SPATA13: variants seen among roughly 807,000 people sequenced by gnomAD.
SPATA13 encodes spermatogenesis-associated protein 13.
In SPATA13, 50 loss-of-function variants were observed where a neutral mutation model predicts 104.0. The ratio of observed to expected loss-of-function variants is 0.48; its 90% CI spans 0.38 to 0.61. The LOEUF is 0.61. SPATA13 is among the 20% of genes least tolerant of loss of function. SPATA13 has a pLI of 0.00. For missense variants in SPATA13, 1,524 were observed against 1,690.6 expected (o/e 0.90, Z 1.73); for synonymous variants, 606 against 667.5 (o/e 0.91, Z 1.42).
In SPATA13 at chr13:24,235,325, A is replaced by T. The variant is rs1019890203; in HGVS notation, c.1653+10743A>T. Among the ~76,000 whole-genome samples the T allele has an allele frequency of 2.0e-5, 3 of 152,220 alleles. No individual in the cohort carries two copies. In the South Asian group the frequency reaches 6.2e-4, roughly 31 times the overall value. On this transcript the variant is annotated intron_variant, in intron 2 of 12. Coordinates refer to ENST00000382108, the MANE Select transcript of SPATA13 (RefSeq NM_001166271.3). Reference sequence around the variant, plus strand: ...ATGACTTTTGTCAATGCAAACTTTGAGATTCGCTGTCCAGGCTGAGGCTCC... The same window carrying T: ...ATGACTTTTGTCAATGCAAACTTTGTGATTCGCTGTCCAGGCTGAGGCTCC...
intron 1 of SPATA13, among the ~76,000 whole-genome samples, chr13:24,199,838 A>G (rs1870299065): frequency 6.6e-6 from 1 of 152,252 alleles, no homozygotes; most frequent in African/African-American, 2.4e-5. Context: ...ACTAAGCCAT[A>G]TGTAAGTAAT....
intron 2 of SPATA13, among the ~76,000 whole-genome samples, chr13:24,227,729 C>G (rs978959475): frequency 1.3e-5 from 2 of 152,030 alleles, no homozygotes; most frequent in Non-Finnish European, 2.9e-5. Flanking sequence ...TACTAACATG[C>G]CAGCTTAATT....
chr13:24,168,560 A>G (rs1362897059), intron 1 of SPATA13, among the ~76,000 whole-genome samples: 6 of 152,178 alleles, frequency 3.9e-5, no homozygotes, highest in Non-Finnish European at 8.8e-5. Flanking sequence ...AAACTTTTGT[A>G]TCGCAGCACA....
intron 3 of SPATA13, among the ~76,000 whole-genome samples, chr13:24,067,360 A>G (rs1391545573): frequency 6.6e-6 from 1 of 152,176 alleles, no homozygotes; most frequent in African/African-American, 2.4e-5. Flanking sequence ...TTGTAAGTCA[A>G]GGATCATAAT....
chr13:24,070,279 A>G lies in SPATA13; in HGVS notation c.-112+52578A>G, dbSNP rs541021131. ...CTTGGGCAACAGAAATGTCCGAGGA[A>G]ATTAGCCCTGATGCGTGGCTGACCA... On this transcript the variant is annotated intron_variant, in intron 3 of 14. Transcript: ENST00000424834. Among the ~76,000 whole-genome samples, 228 of 152,284 alleles carry G rather than the reference A, an allele frequency of 1.5e-3. 2 individuals are homozygous for G. The highest frequency in any genetic ancestry group is 2.1e-3 in the Non-Finnish European group (145 of 68,034).
chr13:24,204,443 C>T (rs2077187), intron 1 of SPATA13, among the ~76,000 whole-genome samples: 4 of 151,904 alleles, frequency 2.6e-5, no homozygotes, highest in Non-Finnish European at 5.9e-5. Flanking sequence ...ATAGGTATAA[C>T]GTAACATTGA....
At chr13:24,187,132 T>C (rs761613904) in intron 1 of SPATA13, among the ~76,000 whole-genome samples, 8 of 152,308 alleles carry the variant, frequency 5.3e-5, no homozygotes, top group East Asian at 1.9e-4. Flanking sequence ...TGCTCTACTC[T>C]CACTGCTTGT....
chr13:24,284,231 G>C lies in SPATA13; in HGVS notation c.2261G>C (p.Arg754Pro). 1.2e-6 allele frequency: 2 copies of C among 1,613,664 alleles called. No individual in the cohort carries two copies. Among genetic ancestry groups the C allele is most frequent in the South Asian group, 2.2e-5 (2 of 91,006 alleles). ...SYEDLCQASP[R>P]YLQPGGEQLA... ...GAAGACCTCTGCCAGGCCAGCCCTC[G>C]GTACCTGCAGCCCGGCGGGGAGCAG... The change falls in exon 5 of 13, where the codon CGG becomes CCG. Residue 754 changes from arginine (R) to proline (P), a missense_variant. By Grantham distance (103) the Arg-to-Pro change is moderately radical. This residue lies in a region of SPATA13 where 1,089 missense variants were observed against 1,135.9 expected (regional missense o/e 0.96). Transcript: ENST00000382108.
intron 3 of SPATA13, chr13:24,017,722 G>C: frequency 1.0e-6 from 1 of 984,776 alleles, no homozygotes; most frequent in Non-Finnish European, 1.2e-6. Flanking sequence ...CCTCGAGTCC[G>C]TTCTTCCCTC....
intron 3 of SPATA13, among the ~76,000 whole-genome samples, chr13:24,093,463 C>T (rs1205486111): frequency 1.3e-5 from 2 of 152,116 alleles, no homozygotes; most frequent in African/African-American, 4.8e-5. Flanking sequence ...TTGAGATGGG[C>T]CTTAGGTAGA....
chr13:24,050,800 A>G (rs4769314), intron 3 of SPATA13, among the ~76,000 whole-genome samples: 66,167 of 152,072 alleles, frequency 0.44, 16,209 homozygotes, highest in African/African-American at 0.67. Flanking sequence ...AAGGTGCCTC[A>G]TGCCACCCAC....
chr13:24,236,595 C>CAAAA, intron 2 of SPATA13, among the ~76,000 whole-genome samples: 1 of 118,196 alleles, frequency 8.5e-6, no homozygotes, highest in Non-Finnish European at 1.8e-5. Context: ...GACTCCATCT[C>CAAAA]AAAAAAAAAA....
In SPATA13 at chr13:24,032,075, A is replaced by G. The variant is rs369119596; in HGVS notation, c.-112+14374A>G. 3.2e-4 allele frequency among the ~76,000 whole-genome samples: 48 copies of G among 152,188 alleles called. 1 individual carries two copies. The highest frequency in any genetic ancestry group is 1.1e-3 in the African/African-American group (44 of 41,448). On this transcript the variant is annotated intron_variant, in intron 3 of 14. Transcript: ENST00000424834. ...AAGAACCCTGGTAAGTCAGTTTAGT[A>G]AGAACACCCATGCTTGGTGTCTGAT... is the stretch of plus-strand genomic sequence containing the variant.
At chr13:24,048,509 T>C (rs2137738132) in intron 3 of SPATA13, among the ~76,000 whole-genome samples, 1 of 152,256 alleles carries the variant, frequency 6.6e-6, no homozygotes, top group South Asian at 2.1e-4. Flanking sequence ...TTTCGTGTAA[T>C]AATACATATA....
intron 1 of SPATA13, chr13:24,162,463 C>T (rs937849577): frequency 1.3e-5 from 2 of 155,850 alleles, no homozygotes; most frequent in African/African-American, 2.4e-5. Context: ...GCTTTCTCTC[C>T]GAATGTCTGC....
chr13:23,988,453 T>C (rs1248476634), intron 2 of SPATA13, among the ~76,000 whole-genome samples: 2 of 152,248 alleles, frequency 1.3e-5, no homozygotes, highest in Non-Finnish European at 2.9e-5. Context: ...GTTTTTTCCA[T>C]GCTTCTATGA....
chr13:23,990,988 G>A (rs528540289), intron 2 of SPATA13, among the ~76,000 whole-genome samples: 20 of 152,284 alleles, frequency 1.3e-4, no homozygotes, highest in Admixed American at 1.1e-3. Context: ...TTTGCCTGGT[G>A]TACCCCTGGC....
intron 3 of SPATA13, among the ~76,000 whole-genome samples, chr13:24,143,726 G>A (rs576490158): frequency 6.6e-6 from 1 of 152,244 alleles, no homozygotes; most frequent in African/African-American, 2.4e-5. Context: ...TAACAGTGGG[G>A]GCTGAGCCCT....
rs1008805845 is a variant in SPATA13, at chr13:24,113,251, T to C, written c.-112+95550T>C. On this transcript the variant is annotated intron_variant, in intron 3 of 14. Transcript: ENST00000424834. ...ATTTAATATCCTAGGCAAAAGTTACTTTGGTTCAAATCATCCTTAGTAGTG... is the reference window on the plus strand; with the variant it reads ...ATTTAATATCCTAGGCAAAAGTTACCTTGGTTCAAATCATCCTTAGTAGTG... 3.9e-5 allele frequency among the ~76,000 whole-genome samples: 6 copies of C among 152,362 alleles called. No homozygotes were observed. The South Asian group carries it at 6.2e-4, about 16-fold the overall frequency.
Sources: gnomAD v4.1 joint callset for allele counts (sites outside exome capture counted in the v4.1 genomes callset) on GRCh38, gnomAD v4.1.1 for gene constraint, gnomAD v4.1.1 regional missense constraint, MANE v1.5 for transcripts, NCBI Gene and HGNC (gene_info 2026-07-23, HGNC 2026-07-21) for gene names.